The following FN1 variants were observed in gnomAD, a reference collection of about 807,000 sequenced individuals.
FN1 encodes the protein fibronectin 1, also known as fibronectin.
In FN1, 106 loss-of-function variants were observed where a neutral mutation model predicts 297.3. The observed-to-expected ratio is 0.36, with a 90% CI of 0.30 to 0.42. The LOEUF is 0.42. Among genes scored for constraint, FN1 ranks in the 10% least tolerant of loss-of-function variants. The pLI, the probability that FN1 is intolerant of heterozygous loss-of-function variation, is 1.00. For synonymous variants in FN1, 1,149 were observed against 1,152.6 expected, an observed-to-expected ratio of 1.00 and a Z score of 0.06; for missense variants, 2,690 against 3,124.9, an observed-to-expected ratio of 0.86 and a Z score of 3.32.
At chr2:215,424,052 G>A (rs999892434) in intron 8 of FN1, 94 bp downstream of exon 8, 22 of 1,242,918 alleles carry the variant, frequency 1.8e-5, no homozygotes, top group African/African-American at 1.2e-4. Flanking sequence ...CTTCTTGGGC[G>A]GGTTCAAAAT....
intron 2 of FN1, among the ~76,000 whole-genome samples, chr2:215,433,920 G>A (rs576092117): frequency 4.9e-4 from 75 of 152,292 alleles, no homozygotes; most frequent in Non-Finnish European, 8.7e-4. Context: ...TGACCAATAC[G>A]GTGAAACCCC....
rs1321387104 is a variant in FN1 at position 215,372,328 on chromosome 2, G to A, written c.6295C>T (p.Pro2099Ser). 1.2e-6 allele frequency: 2 copies of A among 1,614,110 alleles called. No individual in the cohort carries two copies. The highest frequency in any genetic ancestry group is 8.5e-7 in the Non-Finnish European group (1 of 1,180,056). ...GTGGAAGGAACATCCAAGATCTCTGGTCCATGAAGATTGGGGTGTGGAAGG... is the reference window on the plus strand; with the variant it reads ...GTGGAAGGAACATCCAAGATCTCTGATCCATGAAGATTGGGGTGTGGAAGG... ...VTLPHPNLHGPEILDVPSTVQ... is the reference protein window; with the variant it reads ...VTLPHPNLHGSEILDVPSTVQ... The change falls in exon 40 of 46, where the codon CCA becomes TCA. Residue 2099 changes from proline (P) to serine (S), a missense_variant. By Grantham distance (74) the Pro-to-Ser change is moderately conservative (BLOSUM62 -1). Transcript: ENST00000354785.
rs1406494770 is a variant in FN1, at chr2:215,435,667, T to C, written c.136A>G (p.Ser46Gly). 1 of 1,613,516 alleles carries C rather than the reference T, an allele frequency of 6.2e-7. No homozygotes were observed. The highest frequency in any genetic ancestry group is 1.3e-5 in the African/African-American group (1 of 74,932). Residue 46 changes from serine (S) to glycine (G), a missense_variant, in exon 1 of 46, where the codon AGT (serine) becomes GGT (glycine). Physicochemically the swap from Ser to Gly is moderately conservative, Grantham distance 56. Around this residue, in one of 3 missense-constraint regions of FN1, gnomAD observed 876 missense variants for 1,058.1 expected, o/e 0.83. Coordinates refer to ENST00000354785, the MANE Select transcript of FN1 (RefSeq NM_212482.4). The stretch of plus-strand genomic sequence containing the variant: ...GGTCAGTACTCACGCTTGCTTTGAC[T>C]GACAGCCACCGGGGACTGGGGCTGA... ...MVQPQSPVAV[S>G]QSKPGCYDNG...
intron 35 of FN1, among the ~76,000 whole-genome samples, chr2:215,377,067 TGA>T (rs201766014): frequency 5.0e-5 from 7 of 139,108 alleles, no homozygotes; most frequent in African/African-American, 1.1e-4. Context: ...TATGTGTGTG[TGA>T]GAGAGAGAGA....
intron 2 of FN1, among the ~76,000 whole-genome samples, chr2:215,434,197 TG>T (rs766421192): frequency 2.1e-5 from 3 of 141,874 alleles, no homozygotes; most frequent in Non-Finnish European, 4.8e-5. Context: ...CATTTTCCCC[TG>T]ATCAGTGCTT....
At position 215,370,399 on chromosome 2, in the gene FN1, G is replaced by C. The variant is rs781750657; in HGVS notation, c.6748C>G (p.Leu2250Val). The C allele has an allele frequency of 6.2e-7, 1 of 1,613,876 alleles. No individual in the cohort carries two copies. Among genetic ancestry groups the C allele is most frequent in the South Asian group, 1.1e-5 (1 of 91,078 alleles). ...RVPGTSTSAT[L>V]TGLTRGATYN... ...GTGGCACCTCTGGTGAGGCCTGTCA[G>C]AGTGGCACTGGTAGAAGTTCCAGGA... The change falls in exon 41 of 46, where the codon CTG becomes GTG. Residue 2250 changes from leucine to valine, a missense_variant. Around this residue, in one of 3 missense-constraint regions of FN1, gnomAD observed 1,743 missense variants for 1,945.2 expected, o/e 0.90. Transcript: ENST00000354785.
chr2:215,365,966 ATTTTTTTTTTT>A (rs559516647), intron 42 of FN1, among the ~76,000 whole-genome samples: 2 of 90,354 alleles, frequency 2.2e-5, no homozygotes, highest in South Asian at 3.7e-4. Flanking sequence ...CCACAGTGCT[ATTTTTTTTTTT>A]TTTTTTTTTT....
At chr2:215,364,832 C>T in intron 44 of FN1, 47 bp downstream of exon 44, 2 of 1,310,192 alleles carry the variant, frequency 1.5e-6, no homozygotes, top group Non-Finnish European at 1.1e-6. Flanking sequence ...AGGAGCCCAC[C>T]CTTTATCTTA....
Position 215,378,265 on chromosome 2 carries a change from A to G in FN1, c.5623-3T>C. ...CTCACTTCATATTTGGTGGCCACCT[A>G]GAGAAATAAGGGCATGGTGAGCTTT... On this transcript the variant is annotated splice_region_variant and splice_polypyrimidine_tract_variant and intron_variant, in intron 34 of 45. Transcript: ENST00000354785. 1 of 1,583,604 alleles carries G rather than the reference A, an allele frequency of 6.3e-7. No individual in the cohort carries two copies. The highest frequency in any genetic ancestry group is 1.1e-5 in the South Asian group (1 of 90,472).
rs760736550 is a variant in FN1, at chr2:215,382,321, T to C, written c.5055A>G (p.Gln1685=). Residue 1685 remains glutamine, a synonymous_variant, in exon 32 of 46, where the codon CAA becomes CAG. Transcript: ENST00000354785. ...GCAAGCCTTCAATAGTCATTTCTGT[T>C]TGATCTGCAAAGGGAGTGAAAAGCA... ...PTKTKTAGPD[Q]TEMTIEGLQP... 1.9e-6 allele frequency: 3 copies of C among 1,605,112 alleles called. No homozygotes were observed. Among genetic ancestry groups the C allele is most frequent in the Non-Finnish European group, 2.6e-6 (3 of 1,171,822 alleles).
chr2:215,424,162 G>A lies in FN1; in HGVS notation c.1200C>T (p.Phe400=), dbSNP rs758758986. 3.7e-6 allele frequency: 6 copies of A among 1,614,072 alleles called. No homozygotes were observed. Among genetic ancestry groups the A allele is most frequent in the East Asian group, 2.2e-5 (1 of 44,902 alleles). ...SNYEQDQKYS[F]CTDHTVLVQT... ...GACACTCACCAGTGTGGTCTGTGCA[G>A]AAAGAGTATTTCTGGTCCTGCTCAT... Residue 400 remains phenylalanine, a synonymous_variant, in exon 8 of 46, where the codon TTC becomes TTT. Transcript: ENST00000354785.
Position 215,397,937 on chromosome 2 carries a change from T to C in FN1, c.3349-89A>G, listed in dbSNP as rs983306191. 4 of 1,142,834 alleles carry C rather than the reference T, an allele frequency of 3.5e-6. No homozygotes were observed. The Admixed American group carries it at 5.2e-5, about 15-fold the overall frequency. The allele number at this position is 1,142,834 out of a possible 1,614,324, so 70.8% of individuals were successfully genotyped here. On this transcript the variant is annotated intron_variant, in intron 21 of 45. Coordinates refer to ENST00000354785, the MANE Select transcript of FN1 (RefSeq NM_212482.4). ...GAGGCTATGATTATGCTTTAAATAG[T>C]GTAAACTCTTCAGAAACTGCACAGT... is the stretch of plus-strand genomic sequence containing the variant.
intron 11 of FN1, among the ~76,000 whole-genome samples, chr2:215,420,055 C>CA (rs200364735): frequency 0.046 from 6,907 of 150,732 alleles, 247 homozygotes; most frequent in South Asian, 0.13. Flanking sequence ...GAAGGGCGGC[C>CA]AAAAAAAAAC....
chr2:215,422,286 C>A, intron 9 of FN1, 43 bp from the exon 10 acceptor site: 1 of 1,575,204 alleles, frequency 6.3e-7, no homozygotes, highest in Non-Finnish European at 8.7e-7. Context: ...AAATGATCAC[C>A]AGGTCTAAAC....
At position 215,375,384 on chromosome 2, in the gene FN1, G is replaced by T; in HGVS notation, c.5987C>A (p.Ala1996Glu). 1.9e-6 allele frequency: 3 copies of T among 1,608,304 alleles called. No individual in the cohort carries two copies. The highest frequency in any genetic ancestry group is 2.5e-6 in the Non-Finnish European group (3 of 1,178,778). Residue 1996 changes from alanine to glutamate, a missense_variant, in exon 38 of 46, where the codon GCA becomes GAA. Physicochemically the swap from Ala to Glu is moderately radical, Grantham distance 107 (BLOSUM62 -1). Coordinates refer to ENST00000354785, the MANE Select transcript of FN1 (RefSeq NM_212482.4). ...GGCCAGGAAACGCAGGTTGGATGGT[G>T]CATCAATGGCTGAAAGAAAACAAAA... ...VVIDASTAIDAPSNLRFLATT... is the reference protein window; with the variant it reads ...VVIDASTAIDEPSNLRFLATT...
chr2:215,361,357 A>G lies in FN1; in HGVS notation c.*198T>C. Reference sequence around the variant, plus strand: ...GCAGAACAGGCAATGTGCAGCCCTCATTTATGAGAAAACCCTCAGGAAACT... The same window carrying G: ...GCAGAACAGGCAATGTGCAGCCCTCGTTTATGAGAAAACCCTCAGGAAACT... On this transcript the variant is annotated 3_prime_UTR_variant, in exon 46 of 46. Coordinates refer to ENST00000354785, the MANE Select transcript of FN1 (RefSeq NM_212482.4). 1.6e-6 allele frequency: 1 copy of G among 634,986 alleles called. No individual in the cohort carries two copies. The highest frequency in any genetic ancestry group is 2.7e-5 in the East Asian group (1 of 36,792). The allele number at this position is 634,986 out of a possible 1,614,324, so 39.3% of individuals were successfully genotyped here. A position where few individuals can be genotyped will look rare whatever the true frequency, so the allele number is the denominator to read the frequency against.
chr2:215,435,755 G>T lies in FN1; in HGVS notation c.48C>A (p.Cys16Ter). The part of the protein sequence containing the change: ...GPGLLLLAVQ[C>*]LGTAVPSTGA... ...CCGTGGAGGGCACCGCTGTCCCCAG[G>T]CACTGGACGGCCAGCAGCAGCAGCC... Residue 16 changes from cysteine to a stop codon, truncating the protein, a stop_gained, in exon 1 of 46, where the codon TGC becomes TGA. Coordinates refer to ENST00000354785, the MANE Select transcript of FN1 (RefSeq NM_212482.4). LOFTEE classifies it high-confidence loss of function. 1 of 1,598,968 alleles carries T rather than the reference G, an allele frequency of 6.3e-7. No homozygotes were observed. Among genetic ancestry groups the T allele is most frequent in the Non-Finnish European group, 8.5e-7 (1 of 1,173,794 alleles).
At chr2:215,411,208 G>A (rs2062575282) in intron 13 of FN1, among the ~76,000 whole-genome samples, 1 of 152,070 alleles carries the variant, frequency 6.6e-6, no homozygotes. Context: ...TATGCCATGG[G>A]TCACAAAACT....
chr2:215,410,561 G>T (rs1212367686), intron 13 of FN1, among the ~76,000 whole-genome samples: 1 of 149,794 alleles, frequency 6.7e-6, no homozygotes, highest in East Asian at 2.0e-4. Context: ...AGGCTAGAGT[G>T]CAGTGGCTCA....
Sources: allele counts gnomAD v4.1 joint callset (sites outside exome capture counted in the v4.1 genomes callset), GRCh38; gene constraint gnomAD v4.1.1; regional missense constraint gnomAD v4.1.1; transcripts MANE v1.5; gene names NCBI Gene and HGNC (gene_info 2026-07-23, HGNC 2026-07-21).